SPANXN1: variants seen among roughly 807,000 people sequenced by gnomAD.
SPANXN1 encodes the protein SPANX family member N1.
In SPANXN1, 1 loss-of-function variant was observed where a neutral mutation model predicts 2.0. The observed-to-expected ratio is 0.50, with a 90% CI of 0.18 to 2.36. The LOEUF is 2.36. Among genes scored for constraint, SPANXN1 ranks in the 30% most tolerant of loss-of-function variants. The pLI, the probability that SPANXN1 is intolerant of heterozygous loss-of-function variation, is 0.26. For missense variants in SPANXN1, 55 were observed against 51.8 expected, an observed-to-expected ratio of 1.06 and a Z score of -0.19; for synonymous variants, 27 against 21.3, an observed-to-expected ratio of 1.27 and a Z score of -0.74.
At chrX:145,254,845 A>G (rs1300291012) in intron 1 of SPANXN1, among the ~76,000 whole-genome samples, 5 of 111,803 alleles carry the variant, frequency 4.5e-5, no homozygotes, top group African/African-American at 1.6e-4. Context: ...AGTTTGATCA[A>G]TATCTGGAGG....
intron 1 of SPANXN1, among the ~76,000 whole-genome samples, chrX:145,253,028 T>C (rs782438267): frequency 1.8e-5 from 2 of 111,474 alleles, no homozygotes; most frequent in East Asian, 5.7e-4. Flanking sequence ...TTACCCTGGC[T>C]TCCGAGGTGG....
chrX:145,254,634 C>A (rs1401596058), intron 1 of SPANXN1, among the ~76,000 whole-genome samples: 1 of 112,030 alleles, frequency 8.9e-6, no homozygotes, highest in African/African-American at 3.3e-5. Flanking sequence ...GCTGCGGTCA[C>A]CTGGTGACTG....
In SPANXN1 at chrX:145,251,758, A is replaced by G. The variant is rs115016702; in HGVS notation, c.76-3913A>G. On this transcript the variant is annotated intron_variant, in intron 1 of 1. Coordinates refer to ENST00000370493, the MANE Select transcript of SPANXN1 (RefSeq NM_001009614.3). ...TTGATGGGGTAAGCTGGGTTTGGGG[A>G]TTTTAGGATGGGCCCATGTGAGGCC... Among the ~76,000 whole-genome samples the G allele has an allele frequency of 8.8e-3, 954 of 108,917 alleles. 15 individuals are homozygous for G. The highest frequency in any genetic ancestry group is 0.031 in the African/African-American group (920 of 29,784). 94.6% of individuals were successfully genotyped at this position (108,917 alleles called of 115,157 possible). A position where few individuals can be genotyped will look rare whatever the true frequency, so the allele number is the denominator to read the frequency against.
At chrX:145,252,553 C>G (rs573065411) in intron 1 of SPANXN1, among the ~76,000 whole-genome samples, 33 of 110,919 alleles carry the variant, frequency 3.0e-4, no homozygotes, top group African/African-American at 9.9e-4. Flanking sequence ...GATATTGAGA[C>G]TGATGAAGGA....
intron 1 of SPANXN1, among the ~76,000 whole-genome samples, chrX:145,252,428 G>A (rs1317685662): frequency 1.8e-5 from 2 of 111,174 alleles, no homozygotes; most frequent in African/African-American, 3.3e-5. Flanking sequence ...AGTCTTGTCT[G>A]TCTTCTGGAA....
At chrX:145,254,889 G>C (rs1556882904) in intron 1 of SPANXN1, among the ~76,000 whole-genome samples, 1 of 111,643 alleles carries the variant, frequency 9.0e-6, no homozygotes, top group African/African-American at 3.3e-5. Context: ...AGAGTATAAG[G>C]GGAATGGAAC....
intron 1 of SPANXN1, among the ~76,000 whole-genome samples, chrX:145,255,458 C>A (rs2070805031): frequency 9.0e-6 from 1 of 111,218 alleles, no homozygotes. Flanking sequence ...AAAGAACTTA[C>A]AAAATGGTGC....
chrX:145,254,574 C>T (rs1414739473), intron 1 of SPANXN1, among the ~76,000 whole-genome samples: 38 of 112,376 alleles, frequency 3.4e-4, no homozygotes, highest in Non-Finnish European at 5.3e-4. Flanking sequence ...CCCCAGAGGC[C>T]GGAGCGGCCA....
At position 145,255,879 on chromosome X, in the gene SPANXN1, C is replaced by T; in HGVS notation, c.*65C>T. 8.3e-7 allele frequency: 1 copy of T among 1,210,211 alleles called. No individual in the cohort carries two copies. The highest frequency in any genetic ancestry group is 1.1e-6 in the Non-Finnish European group (1 of 894,149). ...GGCCTAGACTCAGCTGAAGGATCTT[C>T]AAAGCAGGATGAAGACCTAGACTTA... On this transcript the variant is annotated 3_prime_UTR_variant, in exon 2 of 2. Transcript: ENST00000370493.
At chrX:145,255,523 C>A (rs782734264) in intron 1 of SPANXN1, 148 bp from the exon 2 acceptor site, 35 of 864,109 alleles carry the variant, frequency 4.1e-5, no homozygotes, top group South Asian at 9.8e-5. Flanking sequence ...CCCCATAGAT[C>A]CCTACCCTAT....
chrX:145,248,658 G>A (rs2070772059), intron 1 of SPANXN1, among the ~76,000 whole-genome samples: 1 of 112,115 alleles, frequency 8.9e-6, no homozygotes, highest in African/African-American at 3.2e-5. Context: ...GGTGGGGGTT[G>A]AATTCTCCAC....
Position 145,248,688 on chromosome X carries a change from T to C in SPANXN1, c.75+1027T>C, listed in dbSNP as rs148362954. Among the ~76,000 whole-genome samples the C allele has an allele frequency of 3.0e-3, 336 of 112,275 alleles. 1 individual carries two copies. Among genetic ancestry groups the C allele is most frequent in the African/African-American group, 0.01 (320 of 30,876 alleles). Reference sequence around the variant, plus strand: ...CTCCACAAACACTTTGTTTTAACTTTTATATTCCTCCAAGTTCAATAGCTG... The same window carrying C: ...CTCCACAAACACTTTGTTTTAACTTCTATATTCCTCCAAGTTCAATAGCTG... On this transcript the variant is annotated intron_variant, in intron 1 of 1. Transcript: ENST00000370493.
rs782486222 is a variant in SPANXN1 at position 145,247,619 on chromosome X, G to A, written c.33G>A (p.Glu11=). The change falls in exon 1 of 2, where the codon GAG becomes GAA. Residue 11 remains glutamate, a synonymous_variant. Transcript: ENST00000370493. Reference sequence around the variant, plus strand: ...AGCCCACTTCAAGCATCAATGGGGAGAAGAGGAAGAGCCCCTGTGAATCCA... The same window carrying A: ...AGCCCACTTCAAGCATCAATGGGGAAAAGAGGAAGAGCCCCTGTGAATCCA... MEQPTSSING[E]KRKSPCESNN... is the part of the protein sequence containing the mutation. The A allele has an allele frequency of 8.3e-7, 1 of 1,210,860 alleles. No homozygotes were observed.
chrX:145,252,558 G>A (rs1461313311), intron 1 of SPANXN1, among the ~76,000 whole-genome samples: 3 of 111,158 alleles, frequency 2.7e-5, no homozygotes, highest in African/African-American at 9.9e-5. Context: ...TGAGACTGAT[G>A]AAGGAAAATG....
At chrX:145,252,492 G>C (rs1222016022) in intron 1 of SPANXN1, among the ~76,000 whole-genome samples, 2 of 110,903 alleles carry the variant, frequency 1.8e-5, no homozygotes, top group Non-Finnish European at 3.8e-5. Flanking sequence ...ATTTGAGCTT[G>C]CAAAAGTTTA....
chrX:145,255,456 T>G (rs183814946), intron 1 of SPANXN1, among the ~76,000 whole-genome samples: 74 of 111,161 alleles, frequency 6.7e-4, no homozygotes, highest in Admixed American at 2.6e-3. Context: ...GCAAAGAACT[T>G]ACAAAATGGT....
intron 1 of SPANXN1, among the ~76,000 whole-genome samples, chrX:145,248,542 T>C (rs2070771487): frequency 8.9e-6 from 1 of 111,906 alleles, no homozygotes; most frequent in Admixed American, 9.5e-5. Flanking sequence ...TAAAGGAACC[T>C]GGATGGTCTG....
At chrX:145,248,541 C>G (rs11094465) in intron 1 of SPANXN1, among the ~76,000 whole-genome samples, 5,045 of 111,506 alleles carry the variant, frequency 0.045, 305 homozygotes, top group African/African-American at 0.16. Flanking sequence ...CTAAAGGAAC[C>G]TGGATGGTCT....
intron 1 of SPANXN1, among the ~76,000 whole-genome samples, chrX:145,251,459 T>C (rs1408825705): frequency 1.8e-5 from 2 of 111,553 alleles, no homozygotes; most frequent in South Asian, 7.7e-4. Context: ...AGGCCAGTGA[T>C]GTGGCCACAC....
Sources: gnomAD v4.1 joint callset for allele counts (sites outside exome capture counted in the v4.1 genomes callset) on GRCh38, gnomAD v4.1.1 for gene constraint, MANE v1.5 for transcripts, NCBI Gene and HGNC (gene_info 2026-07-23, HGNC 2026-07-21) for gene names.